Variants in CEP164 observed in about 807,000 individuals in gnomAD.
The protein encoded by CEP164 is centrosomal protein of 164 kDa.
In CEP164, 162 loss-of-function variants were observed where a neutral mutation model predicts 182.7. The ratio of observed to expected loss-of-function variants is 0.89; its 90% CI spans 0.78 to 1.01. CEP164 has a LOEUF of 1.01. CEP164 is among the 50% of genes least tolerant of loss of function. The probability of loss-of-function intolerance (pLI) is 0.00; values close to 1 mark genes in which losing one functional copy is unlikely to be tolerated. For synonymous variants in CEP164, 661 were observed against 690.0 expected (o/e 0.96, Z 0.66); for missense variants, 1,735 against 1,790.4 (o/e 0.97, Z 0.56).
At chr11:117,363,793 A>G (rs2041301600) in intron 8 of CEP164, among the ~76,000 whole-genome samples, 1 of 123,102 alleles carries the variant, frequency 8.1e-6, no homozygotes, top group Non-Finnish European at 1.7e-5. Context: ...TTTTTAAGAG[A>G]CAGAGCCTCA....
intron 3 of CEP164, among the ~76,000 whole-genome samples, chr11:117,343,166 C>T (rs2038367896): frequency 1.3e-5 from 2 of 152,200 alleles, no homozygotes; most frequent in Admixed American, 1.3e-4. Flanking sequence ...CCACTGCACC[C>T]AGCCACAACA....
chr11:117,336,008 G>A (rs1171613041), intron 2 of CEP164, among the ~76,000 whole-genome samples: 3 of 152,044 alleles, frequency 2.0e-5, no homozygotes, highest in Non-Finnish European at 4.4e-5. Flanking sequence ...CAAGCAGCAA[G>A]AAGATGGCCA....
At chr11:117,322,452 T>C (rs1318076033) in intron 1 of CEP164, among the ~76,000 whole-genome samples, 2 of 152,290 alleles carry the variant, frequency 1.3e-5, no homozygotes, top group African/African-American at 4.8e-5. Flanking sequence ...GTAAGGACAT[T>C]CAAAAGTCTC....
In CEP164 at chr11:117,396,822, G is replaced by C. The variant is rs538000791; in HGVS notation, c.3278+211G>C. 2.0e-5 allele frequency among the ~76,000 whole-genome samples: 3 copies of C among 152,342 alleles called. No homozygotes were observed. The South Asian group carries it at 6.2e-4, about 32-fold the overall frequency. On this transcript the variant is annotated intron_variant, in intron 26 of 32. Transcript: ENST00000278935. ...ACCTTTGACATGGCATTCTCCTCTA[G>C]TGGAGAAGCAGATTGCTGGAAGTGT...
chr11:117,329,181 C>T (rs764751968), intron 1 of CEP164, among the ~76,000 whole-genome samples: 1 of 151,590 alleles, frequency 6.6e-6, no homozygotes, highest in African/African-American at 2.4e-5. Flanking sequence ...ACTGCAGCCT[C>T]GAACTCTTGC....
In CEP164 at chr11:117,392,498, G is replaced by A. The variant is rs1210819593; in HGVS notation, c.2364G>A (p.Val788=). The A allele has an allele frequency of 6.2e-7, 1 of 1,613,544 alleles. No homozygotes were observed. Among genetic ancestry groups the A allele is most frequent in the Admixed American group, 1.7e-5 (1 of 59,966 alleles). Reference sequence around the variant, plus strand: ...TGTGTGTGCGGGGGCCTCCTCAGGTGGTCTCCAGCCTCCAGAAGAAGATAC... The same window carrying A: ...TGTGTGTGCGGGGGCCTCCTCAGGTAGTCTCCAGCCTCCAGAAGAAGATAC... ...CSSLEAKHRE[V]VSSLQKKIQE... Residue 788 remains valine, a splice_region_variant and synonymous_variant, in exon 19 of 33, where the codon GTG becomes GTA. Transcript: ENST00000278935.
intron 4 of CEP164, among the ~76,000 whole-genome samples, chr11:117,346,481 A>C (rs1592059465): frequency 6.7e-6 from 1 of 150,002 alleles, no homozygotes; most frequent in African/African-American, 2.4e-5. Context: ...CTGGTCTTGA[A>C]CTCCTGATCT....
Position 117,396,102 on chromosome 11 carries a change from G to A in CEP164, c.3138G>A (p.Val1046=), listed in dbSNP as rs1175000836. ...AGAAGCAGCACCTGTTGAGAGAAGT[G>A]ACAGTTGAGGAAAATAATGCTTCCC... ...AQKKQHLLRE[V]TVEENNASPH... Residue 1046 remains valine (V), a synonymous_variant, in exon 25 of 33, where the codon GTG becomes GTA. Coordinates refer to ENST00000278935, the MANE Select transcript of CEP164 (RefSeq NM_014956.5). The A allele has an allele frequency of 5.0e-6, 8 of 1,611,754 alleles. No individual in the cohort carries two copies. Among genetic ancestry groups the A allele is most frequent in the Non-Finnish European group, 6.8e-6 (8 of 1,178,666 alleles).
At chr11:117,402,965 G>A (rs544479453) in intron 27 of CEP164, among the ~76,000 whole-genome samples, 1 of 152,296 alleles carries the variant, frequency 6.6e-6, no homozygotes, top group African/African-American at 2.4e-5. Context: ...TTTAAAGTCT[G>A]TTTTATCAGA....
intron 1 of CEP164, among the ~76,000 whole-genome samples, chr11:117,330,448 T>C (rs2036022921): frequency 6.6e-6 from 1 of 151,922 alleles, no homozygotes; most frequent in Admixed American, 6.6e-5. Context: ...AGGTCAGGAG[T>C]TCGAGACTTG....
rs1292630867 is a variant in CEP164 at position 117,394,640 on chromosome 11, T to A, written c.2760+147T>A. 8.6e-7 allele frequency: 1 copy of A among 1,162,044 alleles called. No individual in the cohort carries two copies. Among genetic ancestry groups the A allele is most frequent in the Non-Finnish European group, 1.2e-6 (1 of 834,206 alleles). The allele number at this position is 1,162,044 out of a possible 1,614,324, so 72.0% of individuals were successfully genotyped here. A position where few individuals can be genotyped will look rare whatever the true frequency, so the allele number is the denominator to read the frequency against. On this transcript the variant is annotated intron_variant, in intron 21 of 32. Transcript: ENST00000278935. The surrounding 1 kb of genome is among the most constrained non-coding windows in gnomAD (Gnocchi z 4.0). ...CACTGGCCATCTCCAAGCTGGGGCATCCTTGTTACTTTGTTTTCTGGGCCA... is the reference window on the plus strand; with the variant it reads ...CACTGGCCATCTCCAAGCTGGGGCAACCTTGTTACTTTGTTTTCTGGGCCA...
chr11:117,394,350 G>T lies in CEP164; in HGVS notation c.2617G>T (p.Glu873Ter). The T allele has an allele frequency of 6.3e-7, 1 of 1,595,814 alleles. No individual in the cohort carries two copies. The change falls in exon 21 of 33, where the codon GAG becomes TAG. Residue 873 changes from glutamate to a stop codon, truncating the protein, a stop_gained and splice_region_variant. Transcript: ENST00000278935. LOFTEE classifies it high-confidence loss of function. The surrounding 1 kb of genome is among the most constrained non-coding windows in gnomAD (Gnocchi z 4.0). The part of the protein sequence containing the change: ...AKAREQYEAE[E>*]RKQRAELLGH... ...ACCGGTGGGCCCACCCTCCTTGCAG[G>T]AGAGGAAGCAGCGGGCTGAGCTTCT... is the stretch of plus-strand genomic sequence containing the variant.
intron 2 of CEP164, chr11:117,336,152 T>C (rs2037077718): frequency 6.4e-7 from 1 of 1,568,698 alleles, no homozygotes; most frequent in African/African-American, 1.4e-5. Context: ...TGAAGCTTGA[T>C]GGGAGAGCAG....
At chr11:117,356,484 C>T in intron 5 of CEP164, 2 of 1,286,732 alleles carry the variant, frequency 1.6e-6, no homozygotes, top group Non-Finnish European at 2.0e-6. Context: ...GTGGCCCTCG[C>T]CCCTGCTTGG....
Position 117,411,622 on chromosome 11 carries a change from C to A in CEP164, c.4164-173C>A. Reference sequence around the variant, plus strand: ...CCTCCACCACTTTCCCGTTTGGGAACTGTTCTGGAGGGGCAGATGTTTTGA... The same window carrying A: ...CCTCCACCACTTTCCCGTTTGGGAAATGTTCTGGAGGGGCAGATGTTTTGA... On this transcript the variant is annotated intron_variant, in intron 31 of 32. Coordinates refer to ENST00000278935, the MANE Select transcript of CEP164 (RefSeq NM_014956.5). This position sits in a 1 kb window ranked among gnomAD's most constrained non-coding sequence, Gnocchi z 4.4. 1 of 837,828 alleles carries A rather than the reference C, an allele frequency of 1.2e-6. No individual in the cohort carries two copies. The highest frequency in any genetic ancestry group is 1.8e-6 in the Non-Finnish European group (1 of 559,874). The allele number at this position is 837,828 out of a possible 1,614,324, so 51.9% of individuals were successfully genotyped here.
chr11:117,334,654 G>T (rs1591964179), intron 1 of CEP164, among the ~76,000 whole-genome samples: 1 of 152,142 alleles, frequency 6.6e-6, no homozygotes, highest in East Asian at 1.9e-4. Context: ...GGCATGGTGG[G>T]GGTGCCTGTA....
At chr11:117,351,606 T>C (rs1255932580) in intron 4 of CEP164, among the ~76,000 whole-genome samples, 184 bp from the exon 5 acceptor site, 1 of 152,124 alleles carries the variant, frequency 6.6e-6, no homozygotes, top group East Asian at 1.9e-4. Flanking sequence ...TACCCTTTGA[T>C]TTTGTGTTAA....
upstream of CEP164, among the ~76,000 whole-genome samples, chr11:117,326,758 G>T (rs765826591): frequency 2.6e-5 from 4 of 152,186 alleles, no homozygotes; most frequent in African/African-American, 4.8e-5. Flanking sequence ...GTGGCACTGG[G>T]ACTATCCTGA....
chr11:117,360,513 G>T (rs1056848877), intron 5 of CEP164, among the ~76,000 whole-genome samples: 4 of 152,038 alleles, frequency 2.6e-5, no homozygotes, highest in Admixed American at 1.3e-4. Flanking sequence ...TGCGACTACA[G>T]GTGCATGCTA....
Sources: gnomAD v4.1 joint callset for allele counts (sites outside exome capture counted in the v4.1 genomes callset) on GRCh38, gnomAD v4.1.1 for gene constraint, Gnocchi (gnomAD v3.1) non-coding constraint, MANE v1.5 for transcripts, NCBI Gene and HGNC (gene_info 2026-07-23, HGNC 2026-07-21) for gene names.